The following ELP5 variants were observed in gnomAD, a reference collection of about 807,000 sequenced individuals.
ELP5 encodes elongator acetyltransferase complex subunit 5.
Under a neutral mutation model 33.4 loss-of-function variants are expected in ELP5, and 34 were observed. That is an observed-to-expected ratio of 1.02 (90% CI 0.78 to 1.36). ELP5 has a LOEUF of 1.36. Ranked by LOEUF, ELP5 falls within the 40% of genes most tolerant of loss-of-function variation. The probability of loss-of-function intolerance (pLI) is 0.00; values close to 1 mark genes in which losing one functional copy is unlikely to be tolerated. For missense variants in ELP5, 373 were observed against 371.7 expected, an observed-to-expected ratio of 1.00 and a Z score of -0.03; for synonymous variants, 161 against 146.4, an observed-to-expected ratio of 1.10 and a Z score of -0.72.
chr17:7,258,459 A>AG, intron 5 of ELP5, 129 bp from the exon 6 acceptor site: 1 of 916,224 alleles, frequency 1.1e-6, no homozygotes, highest in South Asian at 1.6e-5. Flanking sequence ...AAAAAAAAAA[A>AG]AAAAAGTTGA....
At position 7,259,912 on chromosome 17, in the gene ELP5, A is replaced by C. The variant is rs1026141799; in HGVS notation, c.*227A>C. On this transcript the variant is annotated 3_prime_UTR_variant, in exon 8 of 8. Coordinates refer to ENST00000396628, the MANE Select transcript of ELP5 (RefSeq NM_203414.3). ...GAGTAGAACACCCCCGTACCTAATA[A>C]AAATCTTTATTTTTTTATTAAAAAA... 1.3e-4 allele frequency: 67 copies of C among 515,690 alleles called. No individual in the cohort carries two copies. The highest frequency in any genetic ancestry group is 1.9e-4 in the Non-Finnish European group (61 of 323,958). 31.9% of individuals were successfully genotyped at this position (515,690 alleles called of 1,614,324 possible).
chr17:7,259,643 TGACCTG>T lies in ELP5; in HGVS notation c.866_871del (p.Leu289_Asp290del). Reference sequence around the variant, plus strand: ...TCTTCTATGAGCCAGATGCTTATGATGACCTGGACCAAGAAGACCCAGATGACGACC... The same window carrying T: ...TCTTCTATGAGCCAGATGCTTATGATGACCAAGAAGACCCAGATGACGACC... On this transcript the variant is annotated inframe_deletion, in exon 8 of 8. Transcript: ENST00000396628. 1 of 1,614,266 alleles carries T rather than the reference TGACCTG, an allele frequency of 6.2e-7. No individual in the cohort carries two copies. Among genetic ancestry groups the T allele is most frequent in the Non-Finnish European group, 8.5e-7 (1 of 1,180,038 alleles).
chr17:7,259,578 G>A lies in ELP5; in HGVS notation c.796G>A (p.Ala266Thr). The A allele has an allele frequency of 6.2e-7, 1 of 1,614,174 alleles. No homozygotes were observed. The highest frequency in any genetic ancestry group is 1.7e-5 in the Admixed American group (1 of 60,020). ...PFQFSSEKQQ[A>T]LLRPRPGQAT... ...CAAATCTTCCCTTCTCAGACAGCAGGCTCTCCTGCGGCCTAGGCCAGGGCA... is the reference window on the plus strand; with the variant it reads ...CAAATCTTCCCTTCTCAGACAGCAGACTCTCCTGCGGCCTAGGCCAGGGCA... The change falls in exon 8 of 8, where the codon GCT becomes ACT. Residue 266 changes from alanine to threonine, a missense_variant. By Grantham distance (58) the Ala-to-Thr change is moderately conservative (BLOSUM62 0). Transcript: ENST00000396628.
intron 5 of ELP5, among the ~76,000 whole-genome samples, chr17:7,257,634 A>G (rs1223533148): frequency 1.3e-5 from 2 of 151,394 alleles, no homozygotes; most frequent in African/African-American, 4.9e-5. Flanking sequence ...ATGAGATCTC[A>G]CCCTGTTGCC....
At position 7,258,854 on chromosome 17, in the gene ELP5, A is replaced by G; in HGVS notation, c.716A>G (p.Asn239Ser). 6.2e-7 allele frequency: 1 copy of G among 1,614,062 alleles called. No homozygotes were observed. The highest frequency in any genetic ancestry group is 1.1e-5 in the South Asian group (1 of 91,082). Residue 239 changes from asparagine to serine, a missense_variant, in exon 7 of 8, where the codon AAC becomes AGC. Physicochemically the swap from Asn to Ser is conservative, Grantham distance 46. Transcript: ENST00000396628. ...PVDPTTHLTF[N>S]LHLSKKEREA... ...GATCCCACAACTCATTTGACCTTTA[A>G]CCTTCACCTGTCCAAGAAAGAGAGA... is the stretch of plus-strand genomic sequence containing the variant.
intron 2 of ELP5, 26 bp from the exon 3 acceptor site, chr17:7,252,892 A>T: frequency 6.2e-7 from 1 of 1,614,154 alleles, no homozygotes; most frequent in South Asian, 1.1e-5. Context: ...CCACTCTTTG[A>T]CAATCCCTTC....
rs142636434 is a variant in ELP5, at chr17:7,257,022, A to G, written c.575A>G (p.Gln192Arg). The G allele has an allele frequency of 6.3e-7, 1 of 1,594,870 alleles. No homozygotes were observed. Among genetic ancestry groups the G allele is most frequent in the African/African-American group, 1.3e-5 (1 of 74,550 alleles). ...SAHILCRRPRQRPTDQTQWFS... is the reference protein window; with the variant it reads ...SAHILCRRPRRRPTDQTQWFS... The stretch of plus-strand genomic sequence containing the variant: ...CACATCCTGTGTCGGAGGCCCCGAC[A>G]GCGCCCAACTGACCAGGTCAGAAGA... The change falls in exon 5 of 8, where the codon CAG becomes CGG. Residue 192 changes from glutamine (Q) to arginine (R), a missense_variant. Gln to Arg is a conservative substitution (Grantham distance 43). Transcript: ENST00000396628.
Position 7,254,457 on chromosome 17 carries a change from AT to A in ELP5, c.189-125del, listed in dbSNP as rs1250955798. The A allele has an allele frequency of 4.3e-6, 3 of 692,622 alleles. No individual in the cohort carries two copies. The African/African-American group carries it at 5.4e-5, about 13-fold the overall frequency. 42.9% of individuals were successfully genotyped at this position (692,622 alleles called of 1,614,324 possible). ...CACTGTATGCTCTCTCTCAGTAATT[AT>A]CTTTCACTAATATTTAGGATATTCA... On this transcript the variant is annotated intron_variant, in intron 3 of 7. Coordinates refer to ENST00000396628, the MANE Select transcript of ELP5 (RefSeq NM_203414.3).
Position 7,258,891 on chromosome 17 carries a change from T to C in ELP5, c.753T>C (p.Asp251=), listed in dbSNP as rs750620040. The change falls in exon 7 of 8, where the codon GAT becomes GAC. Residue 251 remains aspartate, a synonymous_variant. Transcript: ENST00000396628. ...CCAAGAAAGAGAGAGAAGCCAGAGA[T>C]AGCCTGATCCTGCCCTTCCAGTTCA... ...HLSKKEREAR[D]SLILPFQFSS... is the part of the protein sequence containing the mutation. The C allele has an allele frequency of 1.4e-5, 23 of 1,614,138 alleles. No homozygotes were observed. The highest frequency in any genetic ancestry group is 1.9e-5 in the Non-Finnish European group (23 of 1,180,008).
intron 5 of ELP5, among the ~76,000 whole-genome samples, chr17:7,257,865 C>T (rs376406329): frequency 1.3e-5 from 2 of 152,032 alleles, no homozygotes; most frequent in Non-Finnish European, 2.9e-5. Flanking sequence ...GTCAGGAGTT[C>T]GAGACCGGCC....
At chr17:7,253,276 C>T (rs1453301010) in intron 3 of ELP5, among the ~76,000 whole-genome samples, 2 of 152,194 alleles carry the variant, frequency 1.3e-5, no homozygotes, top group Non-Finnish European at 2.9e-5. Context: ...CGGCTTCACT[C>T]TTTAAGGTAC....
chr17:7,252,481 C>G lies in ELP5; in HGVS notation c.-70C>G, dbSNP rs375707033. 5.7e-5 allele frequency: 92 copies of G among 1,611,462 alleles called. No individual in the cohort carries two copies. Among genetic ancestry groups the G allele is most frequent in the Non-Finnish European group, 7.3e-5 (86 of 1,178,856 alleles). On this transcript the variant is annotated 5_prime_UTR_variant, in exon 1 of 8. Transcript: ENST00000396628. ...CCCGAGTGCTCGGCCCGTTTCACCCCGAGGAGGAAGGACACTGGGTCATGA... is the reference window on the plus strand; with the variant it reads ...CCCGAGTGCTCGGCCCGTTTCACCCGGAGGAGGAAGGACACTGGGTCATGA...
At position 7,259,713 on chromosome 17, in the gene ELP5, G is replaced by C; in HGVS notation, c.*28G>C. 1 of 1,614,030 alleles carries C rather than the reference G, an allele frequency of 6.2e-7. No homozygotes were observed. Among genetic ancestry groups the C allele is most frequent in the Non-Finnish European group, 8.5e-7 (1 of 1,179,960 alleles). On this transcript the variant is annotated 3_prime_UTR_variant, in exon 8 of 8. Transcript: ENST00000396628. ...GGCCAGATTTGATTAGATTGTAATT[G>C]GAGGGGGCGCGGGAAGACTTTGGGC...
In ELP5 at chr17:7,256,915, T is replaced by G; in HGVS notation, c.468T>G (p.His156Gln). ...SVLGLLHEEL[H>Q]GPGPVGALSS... ...TGGGCTTGCTACATGAAGAGCTTCATGGACCAGGCCCTGTGGGAGCTCTCA... is the reference window on the plus strand; with the variant it reads ...TGGGCTTGCTACATGAAGAGCTTCAGGGACCAGGCCCTGTGGGAGCTCTCA... The change falls in exon 5 of 8, where the codon CAT becomes CAG. Residue 156 changes from histidine (H) to glutamine (Q), a missense_variant. Physicochemically the swap from His to Gln is conservative, Grantham distance 24 (BLOSUM62 0). Transcript: ENST00000396628. 6.2e-7 allele frequency: 1 copy of G among 1,614,196 alleles called. No homozygotes were observed. The highest frequency in any genetic ancestry group is 8.5e-7 in the Non-Finnish European group (1 of 1,180,038).
rs1414086983 is a variant in ELP5 at position 7,256,978 on chromosome 17, C to G, written c.531C>G (p.Thr177=). The G allele has an allele frequency of 6.2e-7, 1 of 1,612,384 alleles. No homozygotes were observed. Among genetic ancestry groups the G allele is most frequent in the African/African-American group, 1.3e-5 (1 of 74,892 alleles). ...AGACTGAGGTGACCCTGGGCGGTAC[C>G]ATGGGCCAGGCCTCGGCCCACATCC... The part of the protein sequence containing the change: ...LAQTEVTLGG[T]MGQASAHILC... Residue 177 remains threonine, a synonymous_variant, in exon 5 of 8, where the codon ACC becomes ACG. Coordinates refer to ENST00000396628, the MANE Select transcript of ELP5 (RefSeq NM_203414.3).
At chr17:7,252,742 T>C in intron 1 of ELP5, 28 bp from the exon 2 acceptor site, 1 of 1,613,952 alleles carries the variant, frequency 6.2e-7, no homozygotes, top group Non-Finnish European at 8.5e-7. Context: ...AGCGCTCTCA[T>C]ACCCTTTATC....
intron 4 of ELP5, 174 bp downstream of exon 4, chr17:7,254,977 C>T: frequency 1.7e-6 from 1 of 583,964 alleles, no homozygotes; most frequent in Non-Finnish European, 3.0e-6. Context: ...TGCCATCTAC[C>T]ATTTGCTTTT....
chr17:7,254,864 T>A, intron 4 of ELP5, 61 bp downstream of exon 4: 2 of 1,428,088 alleles, frequency 1.4e-6, no homozygotes, highest in Non-Finnish European at 2.0e-6. Context: ...AGTGTGCCCC[T>A]TTTCCTTTCT....
At chr17:7,251,950 C>T (rs2071939812), upstream of ELP5, 1 of 159,862 alleles carries the variant, frequency 6.3e-6, no homozygotes, top group East Asian at 1.9e-4. Flanking sequence ...CCCACTCTGA[C>T]AGGCGCCATT....
Sources: gnomAD v4.1 joint callset for allele counts (sites outside exome capture counted in the v4.1 genomes callset) on GRCh38, gnomAD v4.1.1 for gene constraint, MANE v1.5 for transcripts, NCBI Gene and HGNC (gene_info 2026-07-23, HGNC 2026-07-21) for gene names.